Variants in EXT2 observed in about 807,000 individuals in gnomAD.
EXT2 encodes the protein exostosin glycosyltransferase 2.
EXT2 carries 53 observed loss-of-function variants against 81.6 expected under a neutral mutation model. That is an observed-to-expected ratio of 0.65 (90% CI 0.52 to 0.82). The LOEUF (loss-of-function observed/expected upper bound fraction) is 0.82. Ranked by LOEUF, EXT2 falls within the 40% of genes least tolerant of loss-of-function variation. The probability of loss-of-function intolerance (pLI) is 0.00; values close to 1 mark genes in which losing one functional copy is unlikely to be tolerated. For missense variants in EXT2, 774 were observed against 910.2 expected (o/e 0.85, Z 1.93); for synonymous variants, 320 against 340.0 (o/e 0.94, Z 0.65).
chr11:44,135,003 C>A (rs1465226751), intron 7 of EXT2, among the ~76,000 whole-genome samples: 1 of 152,210 alleles, frequency 6.6e-6, no homozygotes, highest in African/African-American at 2.4e-5. Flanking sequence ...TCATATTTTT[C>A]TATTAAGCAA....
intron 6 of EXT2, among the ~76,000 whole-genome samples, chr11:44,127,871 C>T (rs1305537265): frequency 6.6e-6 from 1 of 152,192 alleles, no homozygotes; most frequent in Admixed American, 6.5e-5. Flanking sequence ...TAGAGACATT[C>T]CCAGTGTACA....
At chr11:44,176,050 C>T (rs998652047) in intron 8 of EXT2, among the ~76,000 whole-genome samples, 4 of 152,148 alleles carry the variant, frequency 2.6e-5, no homozygotes, top group Non-Finnish European at 5.9e-5. Context: ...TAGGGGAGCC[C>T]TTGAGCCTCC....
chr11:44,148,989 C>T (rs1224153771), intron 7 of EXT2, among the ~76,000 whole-genome samples: 1 of 152,102 alleles, frequency 6.6e-6, no homozygotes, highest in African/African-American at 2.4e-5. Context: ...GTTGCTTGTC[C>T]TGCCTTTTTG....
intron 10 of EXT2, among the ~76,000 whole-genome samples, chr11:44,222,018 C>T (rs964424356): frequency 1.3e-5 from 2 of 152,192 alleles, no homozygotes; most frequent in East Asian, 1.9e-4. Flanking sequence ...GTGATATTTA[C>T]AGCTCATCTC....
intron 10 of EXT2, among the ~76,000 whole-genome samples, chr11:44,212,847 G>A (rs557681656): frequency 3.3e-5 from 5 of 152,258 alleles, no homozygotes; most frequent in Non-Finnish European, 4.4e-5. Flanking sequence ...GTATGACTCC[G>A]TGTATATGAA....
intron 7 of EXT2, among the ~76,000 whole-genome samples, chr11:44,139,712 T>C (rs1954620283): frequency 6.6e-6 from 1 of 152,132 alleles, no homozygotes; most frequent in South Asian, 2.1e-4. Context: ...CTCCCATAAA[T>C]CTGCAGCTCA....
chr11:44,182,410 C>T (rs976678613), intron 8 of EXT2, among the ~76,000 whole-genome samples: 1 of 152,006 alleles, frequency 6.6e-6, no homozygotes, highest in Non-Finnish European at 1.5e-5. Context: ...TCCTTGGAAG[C>T]TTTAGCTTTT....
At chr11:44,147,707 C>A (rs908933165) in intron 7 of EXT2, among the ~76,000 whole-genome samples, 6 of 134,754 alleles carry the variant, frequency 4.5e-5, no homozygotes, top group African/African-American at 1.7e-4. Context: ...ACTACAGGCG[C>A]CTGCCACCAC....
intron 8 of EXT2, among the ~76,000 whole-genome samples, chr11:44,180,825 G>A (rs917742067): frequency 6.6e-6 from 1 of 152,156 alleles, no homozygotes; most frequent in African/African-American, 2.4e-5. Context: ...ATTCTGGCTG[G>A]GCGCGGTGGC....
chr11:44,235,454 C>T (rs1237451640), intron 12 of EXT2, among the ~76,000 whole-genome samples: 1 of 151,870 alleles, frequency 6.6e-6, no homozygotes, highest in Non-Finnish European at 1.5e-5. Context: ...CCATGTTGCC[C>T]AGGCTGGTCT....
intron 1 of EXT2, chr11:44,096,345 T>C (rs1953896095): frequency 6.5e-7 from 1 of 1,530,384 alleles, no homozygotes; most frequent in Non-Finnish European, 8.7e-7. Context: ...CAGGGGCATG[T>C]TATGCCGGGG....
In EXT2 at chr11:44,245,606, A is replaced by G. The variant is rs79978382; in HGVS notation, c.*1319A>G. On this transcript the variant is annotated 3_prime_UTR_variant, in exon 14 of 14. Coordinates refer to ENST00000533608, the MANE Select transcript of EXT2 (RefSeq NM_207122.2). ...ACAAAATACATAACAATTTGCTTAG[A>G]ATATGGATATAATTACAGAAACCTA... Among the ~76,000 whole-genome samples, 751 of 152,356 alleles carry G rather than the reference A, an allele frequency of 4.9e-3. 7 individuals carry two copies. Among genetic ancestry groups the G allele is most frequent in the African/African-American group, 0.017 (727 of 41,588 alleles).
intron 10 of EXT2, among the ~76,000 whole-genome samples, chr11:44,231,947 A>G (rs1015860317): frequency 6.6e-6 from 1 of 152,170 alleles, no homozygotes; most frequent in Non-Finnish European, 1.5e-5. Context: ...GGACTTTATC[A>G]TAAGTTTTCA....
At chr11:44,188,334 A>G (rs1005246143) in intron 8 of EXT2, among the ~76,000 whole-genome samples, 6 of 152,224 alleles carry the variant, frequency 3.9e-5, no homozygotes, top group African/African-American at 1.4e-4. Flanking sequence ...CAACTCTCAC[A>G]AGAACTTCTT....
intron 4 of EXT2, among the ~76,000 whole-genome samples, 173 bp downstream of exon 4, chr11:44,114,474 T>C (rs1032782450): frequency 5.9e-5 from 9 of 152,188 alleles, no homozygotes; most frequent in Middle Eastern, 3.2e-3. Flanking sequence ...TCTTGCAGTT[T>C]TCTCTGTCTC....
intron 7 of EXT2, among the ~76,000 whole-genome samples, chr11:44,133,386 T>A (rs138889145): frequency 3.7e-4 from 56 of 152,304 alleles, no homozygotes; most frequent in African/African-American, 1.3e-3. Flanking sequence ...CATCCACTTT[T>A]AGGGGAAAGC....
intron 7 of EXT2, among the ~76,000 whole-genome samples, chr11:44,146,370 T>C (rs943651293): frequency 1.3e-5 from 2 of 152,240 alleles, no homozygotes; most frequent in Non-Finnish European, 2.9e-5. Flanking sequence ...AGACTCAAAG[T>C]CAGTAGCTGT....
rs368259513 is a variant in EXT2 at position 44,108,377 on chromosome 11, G to C, written c.536+129G>C. ...TCCCGATGCTGTCTTCTTGCAGGAC[G>C]GGGTGTGTTGGAGGGACTGACTTGC... On this transcript the variant is annotated intron_variant, in intron 2 of 13. Coordinates refer to ENST00000533608, the MANE Select transcript of EXT2 (RefSeq NM_207122.2). 1.0e-4 allele frequency: 105 copies of C among 1,014,350 alleles called. 2 individuals carry two copies. The highest frequency in any genetic ancestry group is 9.1e-4 in the Middle Eastern group (3 of 3,310). The allele number at this position is 1,014,350 out of a possible 1,614,324, so 62.8% of individuals were successfully genotyped here.
At chr11:44,121,634 A>G (rs966783694) in intron 4 of EXT2, among the ~76,000 whole-genome samples, 1 of 145,738 alleles carries the variant, frequency 6.9e-6, no homozygotes, top group Admixed American at 7.0e-5. Context: ...TCAGACTCTG[A>G]CCCCCTACAT....
Sources: allele counts gnomAD v4.1 joint callset (sites outside exome capture counted in the v4.1 genomes callset), GRCh38; gene constraint gnomAD v4.1.1; transcripts MANE v1.5; gene names NCBI Gene and HGNC (gene_info 2026-07-23, HGNC 2026-07-21).